ATP6V1H: variants seen among roughly 807,000 people sequenced by gnomAD.
The protein encoded by ATP6V1H is V-type proton ATPase subunit H.
A neutral mutation model predicts 71.7 loss-of-function variants in ATP6V1H; 39 were observed. The ratio of observed to expected loss-of-function variants is 0.54; its 90% CI spans 0.42 to 0.71. The LOEUF (loss-of-function observed/expected upper bound fraction) is 0.71, where lower values mean the gene tolerates loss of function less well. ATP6V1H is among the 30% of genes least tolerant of loss of function. The pLI is 0.00. For synonymous variants in ATP6V1H, 192 were observed against 199.3 expected (o/e 0.96, Z 0.31); for missense variants, 509 against 594.9 (o/e 0.86, Z 1.50).
At chr8:53,747,188 A>T (rs1025886318) in intron 12 of ATP6V1H, among the ~76,000 whole-genome samples, 1 of 152,238 alleles carries the variant, frequency 6.6e-6, no homozygotes, top group Non-Finnish European at 1.5e-5. Flanking sequence ...TTAGTATTCT[A>T]AACATGGCTG....
At chr8:53,738,330 C>T (rs913881097) in intron 13 of ATP6V1H, among the ~76,000 whole-genome samples, 4 of 151,380 alleles carry the variant, frequency 2.6e-5, no homozygotes, top group Admixed American at 6.6e-5. Flanking sequence ...CGTGCACACA[C>T]ACACACAAAG....
intron 9 of ATP6V1H, among the ~76,000 whole-genome samples, chr8:53,782,203 C>T (rs1809171028): frequency 6.6e-6 from 1 of 152,042 alleles, no homozygotes; most frequent in Middle Eastern, 3.4e-3. Context: ...TGTTTGTATC[C>T]TCTTTTATTT....
chr8:53,781,211 T>C (rs1448427561), intron 9 of ATP6V1H, among the ~76,000 whole-genome samples: 1 of 152,244 alleles, frequency 6.6e-6, no homozygotes, highest in Non-Finnish European at 1.5e-5. Context: ...TGTTGTTTCC[T>C]GACTTTTTAA....
intron 9 of ATP6V1H, among the ~76,000 whole-genome samples, chr8:53,773,469 A>G (rs934520482): frequency 2.1e-4 from 32 of 152,244 alleles, no homozygotes; most frequent in Non-Finnish European, 2.9e-5. Context: ...TCTGGTATGA[A>G]GTTCATACTC....
intron 11 of ATP6V1H, among the ~76,000 whole-genome samples, chr8:53,757,165 G>A (rs1321905443): frequency 3.9e-5 from 6 of 152,124 alleles, no homozygotes; most frequent in African/African-American, 1.4e-4. Flanking sequence ...GAGAAAAGAT[G>A]GCAGCCCAAA....
At chr8:53,819,059 A>C (rs1810545681) in intron 4 of ATP6V1H, among the ~76,000 whole-genome samples, 1 of 151,822 alleles carries the variant, frequency 6.6e-6, no homozygotes, top group South Asian at 2.1e-4. Context: ...ATAAAAAATT[A>C]GCCAGGTGTG....
At chr8:53,718,684 C>T (rs527481848) in intron 13 of ATP6V1H, among the ~76,000 whole-genome samples, 10 of 152,280 alleles carry the variant, frequency 6.6e-5, no homozygotes, top group African/African-American at 2.2e-4. Flanking sequence ...CCACCATACC[C>T]GGCCAGGCTC....
intron 13 of ATP6V1H, among the ~76,000 whole-genome samples, chr8:53,723,767 C>T (rs1806706497): frequency 6.6e-6 from 1 of 152,204 alleles, no homozygotes; most frequent in African/African-American, 2.4e-5. Flanking sequence ...CACGTGGTCA[C>T]GTGGCCGTTG....
At position 53,814,674 on chromosome 8, in the gene ATP6V1H, C is replaced by A. The variant is rs114660750; in HGVS notation, c.513G>T (p.Gln171His). ...LNYYFNWIKT[Q>H]LSSQKLRGSG... ...AATTTTCTTTTACCTGTGAACTCAGCTGAGTTTTTATCCAATTGAAATAGT... is the reference window on the plus strand; with the variant it reads ...AATTTTCTTTTACCTGTGAACTCAGATGAGTTTTTATCCAATTGAAATAGT... Residue 171 changes from glutamine to histidine, a missense_variant, in exon 6 of 14, where the codon CAG becomes CAT. By Grantham distance (24) the Gln-to-His change is conservative. Coordinates refer to ENST00000359530, the MANE Select transcript of ATP6V1H (RefSeq NM_015941.4). 6.2e-7 allele frequency: 1 copy of A among 1,605,232 alleles called. No homozygotes were observed. Among genetic ancestry groups the A allele is most frequent in the African/African-American group, 1.3e-5 (1 of 74,688 alleles).
chr8:53,744,030 C>T (rs891749659), intron 12 of ATP6V1H, among the ~76,000 whole-genome samples: 8 of 152,030 alleles, frequency 5.3e-5, no homozygotes, highest in African/African-American at 1.7e-4. Context: ...GTATTTCTTG[C>T]TTGTTTAATA....
intron 13 of ATP6V1H, among the ~76,000 whole-genome samples, chr8:53,724,401 A>C (rs74451932): frequency 6.6e-6 from 1 of 152,098 alleles, no homozygotes; most frequent in Non-Finnish European, 1.5e-5. Context: ...TTCTTCCTCA[A>C]TAACAGAACC....
At chr8:53,747,874 G>A (rs986831081) in intron 12 of ATP6V1H, among the ~76,000 whole-genome samples, 2 of 151,998 alleles carry the variant, frequency 1.3e-5, no homozygotes, top group Non-Finnish European at 2.9e-5. Context: ...TGGTGGGAGA[G>A]GCCAGGCTCT....
At chr8:53,744,119 T>C (rs538026454) in intron 12 of ATP6V1H, among the ~76,000 whole-genome samples, 1 of 152,228 alleles carries the variant, frequency 6.6e-6, no homozygotes, top group South Asian at 2.1e-4. Flanking sequence ...TGCGTGAAGA[T>C]AGGGGCTTAG....
intron 13 of ATP6V1H, among the ~76,000 whole-genome samples, chr8:53,734,870 G>A (rs1380009191): frequency 6.6e-6 from 1 of 152,094 alleles, no homozygotes; most frequent in African/African-American, 2.4e-5. Flanking sequence ...ACAGAAGGAG[G>A]ACAAATAATA....
At chr8:53,776,526 C>T (rs963764348) in intron 9 of ATP6V1H, among the ~76,000 whole-genome samples, 4 of 152,238 alleles carry the variant, frequency 2.6e-5, no homozygotes, top group African/African-American at 9.6e-5. Flanking sequence ...TAAGCTGCTT[C>T]TCCCCACAGG....
At chr8:53,824,416 A>G (rs1440461828) in intron 4 of ATP6V1H, among the ~76,000 whole-genome samples, 2 of 152,184 alleles carry the variant, frequency 1.3e-5, no homozygotes, top group Non-Finnish European at 2.9e-5. Flanking sequence ...GAAGAAAACA[A>G]AAAATAAAAT....
In ATP6V1H at chr8:53,755,707, T is replaced by C. The variant is rs1275485760; in HGVS notation, c.1277+848A>G. 3.0e-3 allele frequency among the ~76,000 whole-genome samples: 13 copies of C among 4,326 alleles called. 1 individual carries two copies. The highest frequency in any genetic ancestry group is 5.8e-4 in the Non-Finnish European group (1 of 1,720). 2.8% of individuals were successfully genotyped at this position (4,326 alleles called of 152,430 possible). ...GTACATATATATATATATATATATATATATATATATATATATATATATATA... is the reference window on the plus strand; with the variant it reads ...GTACATATATATATATATATATATACATATATATATATATATATATATATA... On this transcript the variant is annotated intron_variant, in intron 12 of 13. Transcript: ENST00000359530.
intron 11 of ATP6V1H, among the ~76,000 whole-genome samples, chr8:53,757,705 T>C (rs940469714): frequency 6.6e-6 from 1 of 152,072 alleles, no homozygotes; most frequent in Admixed American, 6.5e-5. Flanking sequence ...TGAGACACAA[T>C]ATTCAGTTTT....
intron 13 of ATP6V1H, among the ~76,000 whole-genome samples, chr8:53,717,471 T>G (rs1217535745): frequency 1.3e-5 from 2 of 152,226 alleles, no homozygotes; most frequent in African/African-American, 4.8e-5. Context: ...CAAGGAAAGT[T>G]CTTATAACTG....
Sources: allele counts gnomAD v4.1 joint callset (sites outside exome capture counted in the v4.1 genomes callset), GRCh38; gene constraint gnomAD v4.1.1; transcripts MANE v1.5; gene names NCBI Gene and HGNC (gene_info 2026-07-23, HGNC 2026-07-21).